The following SYNPR variants were observed in gnomAD, a reference collection of about 807,000 sequenced individuals.
The protein encoded by SYNPR is synaptoporin.
In SYNPR, 23 loss-of-function variants were observed where a neutral mutation model predicts 32.9. The observed-to-expected ratio is 0.70, with a 90% CI of 0.50 to 0.99. The LOEUF is 0.99. Among genes scored for constraint, SYNPR ranks in the 50% least tolerant of loss-of-function variants. The probability of loss-of-function intolerance (pLI) is 0.00; values close to 1 mark genes in which losing one functional copy is unlikely to be tolerated. For synonymous variants in SYNPR, 146 were observed against 135.9 expected (o/e 1.07, Z -0.52); for missense variants, 318 against 349.3 (o/e 0.91, Z 0.71).
the SYNPR span, among the ~76,000 whole-genome samples, chr3:63,219,129 G>A: frequency 2.0e-5 from 3 of 152,178 alleles, no homozygotes; most frequent in South Asian, 6.2e-4. Context: ...ACTAATGAGG[G>A]AGAGGACTTC....
At chr3:63,368,816 G>A (rs967232435) in intron 2 of SYNPR, among the ~76,000 whole-genome samples, 3 of 152,202 alleles carry the variant, frequency 2.0e-5, no homozygotes, top group African/African-American at 7.2e-5. Context: ...ATACAGTGTT[G>A]CTTCAAGTCA....
At chr3:63,303,182 TAA>T (rs34152136) in intron 2 of SYNPR, among the ~76,000 whole-genome samples, 8 of 142,858 alleles carry the variant, frequency 5.6e-5, no homozygotes, top group African/African-American at 1.5e-4. Flanking sequence ...GAACTCAGGG[TAA>T]AAAAAAAAAA....
At chr3:63,263,861 C>G (rs2086459644) in intron 2 of SYNPR, among the ~76,000 whole-genome samples, 1 of 152,046 alleles carries the variant, frequency 6.6e-6, no homozygotes, top group Non-Finnish European at 1.5e-5. Context: ...GTCACAGAGC[C>G]CAGATTAAAT....
Position 63,386,694 on chromosome 3 carries a change from G to A in SYNPR, c.85-94138G>A, listed in dbSNP as rs539809658. Among the ~76,000 whole-genome samples the A allele has an allele frequency of 4.6e-5, 7 of 151,764 alleles. No homozygotes were observed. In the East Asian group the frequency reaches 7.8e-4, roughly 17 times the overall value. On this transcript the variant is annotated intron_variant, in intron 2 of 5. Coordinates refer to ENST00000478300, the MANE Select transcript of SYNPR (RefSeq NM_001130003.2). ...ACTCACTAGGTTTTGATGAGCCTCA[G>A]TTCTGGGTGAATGACCTCAGATCAG...
the SYNPR span, among the ~76,000 whole-genome samples, chr3:63,217,737 G>A: frequency 6.6e-6 from 1 of 152,148 alleles, no homozygotes; most frequent in African/African-American, 2.4e-5. Flanking sequence ...TTTAGTTGGG[G>A]ATTTATGAGG....
chr3:63,255,022 C>T (rs775637952), intron 2 of SYNPR, among the ~76,000 whole-genome samples: 8 of 152,062 alleles, frequency 5.3e-5, no homozygotes, highest in Non-Finnish European at 8.8e-5. Context: ...TTCACAACAG[C>T]GAGAAAATAC....
chr3:63,487,937 G>A (rs1277252460), intron 3 of SYNPR, among the ~76,000 whole-genome samples: 1 of 152,100 alleles, frequency 6.6e-6, no homozygotes, highest in East Asian at 1.9e-4. Context: ...GGCTGAATAA[G>A]CACCATTCCC....
At chr3:63,466,029 A>G (rs914978955) in intron 2 of SYNPR, among the ~76,000 whole-genome samples, 1 of 152,128 alleles carries the variant, frequency 6.6e-6, no homozygotes, top group Non-Finnish European at 1.5e-5. Context: ...AGTACCCATT[A>G]GTTACTTTTC....
the SYNPR span, among the ~76,000 whole-genome samples, chr3:63,200,640 A>G: frequency 2.0e-5 from 3 of 152,288 alleles, no homozygotes; most frequent in East Asian, 1.9e-4. Context: ...AAACTCATCC[A>G]AAGTTTCTCT....
At chr3:63,276,488 T>A (rs1313736953), upstream of SYNPR, among the ~76,000 whole-genome samples, 1 of 152,150 alleles carries the variant, frequency 6.6e-6, no homozygotes, top group Non-Finnish European at 1.5e-5. Flanking sequence ...ACAGTTAAGA[T>A]AGGTATTTTG....
At chr3:63,376,548 C>T (rs1004721336) in intron 2 of SYNPR, among the ~76,000 whole-genome samples, 2 of 152,102 alleles carry the variant, frequency 1.3e-5, no homozygotes, top group African/African-American at 4.8e-5. Context: ...AAAGCTTCTA[C>T]CCCAGTGCCT....
intron 3 of SYNPR, among the ~76,000 whole-genome samples, chr3:63,549,767 T>C (rs1702469954): frequency 6.6e-6 from 1 of 152,156 alleles, no homozygotes; most frequent in Admixed American, 6.5e-5. Context: ...ATATTTTCTT[T>C]AACCCAATTG....
intron 1 of SYNPR, among the ~76,000 whole-genome samples, chr3:63,235,507 A>G (rs1004622142): frequency 3.3e-5 from 5 of 152,164 alleles, no homozygotes; most frequent in Admixed American, 3.3e-4. Context: ...AACCATACAG[A>G]TTTTTGGGCC....
chr3:63,357,281 T>A (rs1414171715), intron 2 of SYNPR, among the ~76,000 whole-genome samples: 1 of 152,094 alleles, frequency 6.6e-6, no homozygotes, highest in Non-Finnish European at 1.5e-5. Context: ...GACGTCCCCT[T>A]ACCAACATCT....
At chr3:63,482,764 G>C (rs1701072332) in intron 3 of SYNPR, among the ~76,000 whole-genome samples, 1 of 151,920 alleles carries the variant, frequency 6.6e-6, no homozygotes, top group African/African-American at 2.4e-5. Context: ...AATTTACTAG[G>C]GTTGCAATTT....
In SYNPR at chr3:63,278,635, C is replaced by T. The variant is rs771237234; in HGVS notation, c.19-42C>T. On this transcript the variant is annotated intron_variant, in intron 1 of 5. Coordinates refer to ENST00000478300, the MANE Select transcript of SYNPR (RefSeq NM_001130003.2). ...TTGGGAGAGGCGCCCCCAGCCCCTT[C>T]CTCACGCTTTGCTTTCTCTCTCTCG... 10 of 1,551,010 alleles carry T rather than the reference C, an allele frequency of 6.4e-6. No individual in the cohort carries two copies. The East Asian group carries it at 2.4e-4, about 38-fold the overall frequency.
At chr3:63,394,422 C>T (rs1023977496) in intron 2 of SYNPR, among the ~76,000 whole-genome samples, 1 of 152,156 alleles carries the variant, frequency 6.6e-6, no homozygotes. Flanking sequence ...CAGACAGCTC[C>T]GCTCACAATG....
At chr3:63,480,739 C>A in intron 2 of SYNPR, 93 bp from the exon 3 acceptor site, 3 of 1,470,230 alleles carry the variant, frequency 2.0e-6, no homozygotes, top group Non-Finnish European at 2.7e-6. Flanking sequence ...CCATAAATTC[C>A]CTCAATCCAG....
At chr3:63,208,842 GA>G in the SYNPR span, among the ~76,000 whole-genome samples, 4 of 152,126 alleles carry the variant, frequency 2.6e-5, no homozygotes. Context: ...TGATTTGGTA[GA>G]ATACTAAAGG....
Sources: gnomAD v4.1 joint callset for allele counts (sites outside exome capture counted in the v4.1 genomes callset) on GRCh38, gnomAD v4.1.1 for gene constraint, MANE v1.5 for transcripts, NCBI Gene and HGNC (gene_info 2026-07-23, HGNC 2026-07-21) for gene names.